HIVEP2: variants seen among roughly 807,000 people sequenced by gnomAD.
The protein encoded by HIVEP2 is transcription factor HIVEP2.
Under a neutral mutation model 180.7 loss-of-function variants are expected in HIVEP2, and 14 were observed. The ratio of observed to expected loss-of-function variants is 0.08; its 90% CI spans 0.05 to 0.12. The LOEUF (loss-of-function observed/expected upper bound fraction) is 0.12. HIVEP2 is among the 10% of genes least tolerant of loss of function. The probability of loss-of-function intolerance (pLI) is 1.00; values close to 1 mark genes in which losing one functional copy is unlikely to be tolerated. For synonymous variants in HIVEP2, 1,184 were observed against 1,136.4 expected (o/e 1.04, Z -0.84); for missense variants, 2,579 against 3,008.5 (o/e 0.86, Z 3.34).
intron 1 of HIVEP2, among the ~76,000 whole-genome samples, chr6:142,871,541 C>T (rs534581098): frequency 4.0e-5 from 6 of 151,728 alleles, no homozygotes; most frequent in Non-Finnish European, 8.8e-5. Flanking sequence ...ATTCTATCTG[C>T]ATTTTTATAT....
At chr6:142,801,073 G>A (rs904764189) in intron 2 of HIVEP2, among the ~76,000 whole-genome samples, 2 of 151,622 alleles carry the variant, frequency 1.3e-5, no homozygotes, top group African/African-American at 4.8e-5. Flanking sequence ...AGAGGCCAGG[G>A]TAGCCCATGT....
chr6:142,917,189 T>C (rs1379264241), intron 1 of HIVEP2, among the ~76,000 whole-genome samples: 2 of 152,258 alleles, frequency 1.3e-5, no homozygotes, highest in Non-Finnish European at 2.9e-5. Context: ...AATAAAATTT[T>C]ACTAACAGTT....
intron 1 of HIVEP2, among the ~76,000 whole-genome samples, chr6:142,897,134 A>T (rs1777018548): frequency 6.6e-6 from 1 of 152,218 alleles, no homozygotes; most frequent in Non-Finnish European, 1.5e-5. Context: ...GCCAAAAAAA[A>T]TAGGAAAAGG....
At position 142,770,148 on chromosome 6, in the gene HIVEP2, G is replaced by C. The variant is rs1444822728; in HGVS notation, c.4591C>G (p.Pro1531Ala). ...GGCAGGAATGGCTCCCTGGAAGACG[G>C]GCTAACAGAAGGATAGTCTTGAGAT... Reference protein sequence around the residue: ...SSSQDYPSVSPSSREPFLPSK... With the variant: ...SSSQDYPSVSASSREPFLPSK... Residue 1531 changes from proline (P) to alanine (A), a missense_variant, in exon 5 of 10, where the codon CCG becomes GCG. By Grantham distance (27) the Pro-to-Ala change is conservative (BLOSUM62 -1). Transcript: ENST00000367603. The surrounding 1 kb of genome is among the most constrained non-coding windows in gnomAD (Gnocchi z 4.7). 1 of 1,614,100 alleles carries C rather than the reference G, an allele frequency of 6.2e-7. No homozygotes were observed. The highest frequency in any genetic ancestry group is 8.5e-7 in the Non-Finnish European group (1 of 1,180,058).
In HIVEP2 at chr6:142,761,455, C is replaced by A. The variant is rs759776478; in HGVS notation, c.5620+9G>T. Reference sequence around the variant, plus strand: ...AAGAGGTCTGTCAACTCATTTATGACATACACACCTGCTTCCTCAGTTTCT... The same window carrying A: ...AAGAGGTCTGTCAACTCATTTATGAAATACACACCTGCTTCCTCAGTTTCT... On this transcript the variant is annotated intron_variant, in intron 8 of 9. Coordinates refer to ENST00000367603, the MANE Select transcript of HIVEP2 (RefSeq NM_006734.4). The A allele has an allele frequency of 1.4e-6, 2 of 1,439,612 alleles. No homozygotes were observed. Among genetic ancestry groups the A allele is most frequent in the Non-Finnish European group, 2.0e-6 (2 of 1,020,666 alleles). The allele number at this position is 1,439,612 out of a possible 1,614,324, so 89.2% of individuals were successfully genotyped here.
At chr6:142,809,433 C>T (rs771118177) in intron 2 of HIVEP2, among the ~76,000 whole-genome samples, 5 of 152,130 alleles carry the variant, frequency 3.3e-5, no homozygotes, top group South Asian at 4.2e-4. Flanking sequence ...CTACTGCCCC[C>T]GTGTCTCTCT....
intron 1 of HIVEP2, among the ~76,000 whole-genome samples, chr6:142,847,425 A>G (rs1410434605): frequency 1.0e-5 from 1 of 97,596 alleles, no homozygotes; most frequent in Non-Finnish European, 2.3e-5. Context: ...GAAATGTTAG[A>G]AAAAAAAAAG....
chr6:142,867,620 G>T (rs1486709490), intron 1 of HIVEP2, among the ~76,000 whole-genome samples: 2 of 152,152 alleles, frequency 1.3e-5, no homozygotes. Flanking sequence ...CATAAATACA[G>T]AGACGAGATG....
At position 142,768,522 on chromosome 6, in the gene HIVEP2, C is replaced by T. The variant is rs200547940; in HGVS notation, c.5202G>A (p.Ala1734=). ...WKQFTQMKPD[A]SFLFGSKLER... ...CTAGTTTGCTGCCAAATAAAAAGGA[C>T]GCATCAGGTTTCATCTGTAAGACAA... is the stretch of plus-strand genomic sequence containing the variant. Residue 1734 remains alanine (A), a synonymous_variant, in exon 6 of 10, where the codon GCG becomes GCA. Transcript: ENST00000367603. 4.8e-4 allele frequency: 776 copies of T among 1,613,086 alleles called. No homozygotes were observed. Among genetic ancestry groups the T allele is most frequent in the Non-Finnish European group, 5.8e-4 (683 of 1,179,580 alleles).
At chr6:142,927,558 A>G (rs1777847788) in intron 1 of HIVEP2, among the ~76,000 whole-genome samples, 1 of 152,202 alleles carries the variant, frequency 6.6e-6, no homozygotes, top group Non-Finnish European at 1.5e-5. Context: ...TTTCATTATG[A>G]AAACACCCAC....
At chr6:142,864,331 A>T (rs1486192821) in intron 1 of HIVEP2, among the ~76,000 whole-genome samples, 1 of 152,120 alleles carries the variant, frequency 6.6e-6, no homozygotes, top group Non-Finnish European at 1.5e-5. Flanking sequence ...AACGGAGGGT[A>T]AAGTGCTGCT....
chr6:142,928,609 C>T (rs1777868818), intron 1 of HIVEP2, among the ~76,000 whole-genome samples: 1 of 152,124 alleles, frequency 6.6e-6, no homozygotes, highest in Non-Finnish European at 1.5e-5. Flanking sequence ...TGTCTTATTT[C>T]CTAAACATCT....
Position 142,753,387 on chromosome 6 carries a change from A to C in HIVEP2, c.7061T>G (p.Val2354Gly), listed in dbSNP as rs1582824277. ...ALLGPDQPAR[V>G]QEPHQNPLGS... ...CAGGGGGTTCTGGTGGGGCTCCTGCACCCGCGCTGGCTGATCTGGCCCGAG... is the reference window on the plus strand; with the variant it reads ...CAGGGGGTTCTGGTGGGGCTCCTGCCCCCGCGCTGGCTGATCTGGCCCGAG... Residue 2354 changes from valine to glycine, a missense_variant, in exon 10 of 10, where the codon GTG becomes GGG. Around this residue, in one of 11 missense-constraint regions of HIVEP2, gnomAD observed 660 missense variants for 731.7 expected, o/e 0.90. Transcript: ENST00000367603. The C allele has an allele frequency of 6.2e-7, 1 of 1,613,868 alleles. No individual in the cohort carries two copies. The highest frequency in any genetic ancestry group is 1.7e-4 in the Middle Eastern group (1 of 6,060).
In HIVEP2 at chr6:142,904,892, C is replaced by T. The variant is rs543733065; in HGVS notation, c.-641+40207G>A. On this transcript the variant is annotated intron_variant, in intron 1 of 9. Transcript: ENST00000367603. Reference sequence around the variant, plus strand: ...TATCAGTTAAGTAACCCTGGGTAAACTGTGGTTTTCATATCTATTGACCTG... The same window carrying T: ...TATCAGTTAAGTAACCCTGGGTAAATTGTGGTTTTCATATCTATTGACCTG... Among the ~76,000 whole-genome samples, 7 of 152,196 alleles carry T rather than the reference C, an allele frequency of 4.6e-5. No homozygotes were observed. The South Asian group carries it at 1.2e-3, about 27-fold the overall frequency.
chr6:142,887,959 C>A (rs370371404), intron 1 of HIVEP2, among the ~76,000 whole-genome samples: 73 of 143,098 alleles, frequency 5.1e-4, no homozygotes, highest in East Asian at 8.2e-4. Context: ...GGCGATGCAG[C>A]AAAAAAAAAA....
At chr6:142,920,306 C>G (rs1402562916) in intron 1 of HIVEP2, among the ~76,000 whole-genome samples, 1 of 152,192 alleles carries the variant, frequency 6.6e-6, no homozygotes, top group Admixed American at 6.5e-5. Flanking sequence ...GAAGTCCTGG[C>G]TTCCAAAGGT....
At chr6:142,816,490 C>T (rs1178167811) in intron 2 of HIVEP2, among the ~76,000 whole-genome samples, 1 of 152,206 alleles carries the variant, frequency 6.6e-6, no homozygotes, top group Non-Finnish European at 1.5e-5. Context: ...ATTAGCACCG[C>T]TAAGAATCCA....
intron 2 of HIVEP2, among the ~76,000 whole-genome samples, chr6:142,803,483 T>C (rs1238248051): frequency 6.6e-6 from 1 of 151,936 alleles, no homozygotes. Flanking sequence ...TAGGGTTAAC[T>C]GTGAAGCAAC....
intron 1 of HIVEP2, among the ~76,000 whole-genome samples, chr6:142,857,034 T>G (rs1775840112): frequency 6.6e-6 from 1 of 152,222 alleles, no homozygotes; most frequent in African/African-American, 2.4e-5. Context: ...ATTTTTCTCA[T>G]GTTGTTCAGA....
Sources: allele counts gnomAD v4.1 joint callset (sites outside exome capture counted in the v4.1 genomes callset), GRCh38; gene constraint gnomAD v4.1.1; regional missense constraint gnomAD v4.1.1; non-coding constraint Gnocchi (gnomAD v3.1); transcripts MANE v1.5; gene names NCBI Gene and HGNC (gene_info 2026-07-23, HGNC 2026-07-21).